DGKB: variants seen among roughly 807,000 people sequenced by gnomAD.
DGKB encodes the protein diacylglycerol kinase beta.
Under a neutral mutation model 114.3 loss-of-function variants are expected in DGKB, and 67 were observed. The ratio of observed to expected loss-of-function variants is 0.59; its 90% CI spans 0.48 to 0.72. The LOEUF (loss-of-function observed/expected upper bound fraction) is 0.72, where lower values mean the gene tolerates loss of function less well. Among genes scored for constraint, DGKB ranks in the 30% least tolerant of loss-of-function variants. The probability of loss-of-function intolerance (pLI) is 0.00; values close to 1 mark genes in which losing one functional copy is unlikely to be tolerated. For missense variants in DGKB, 907 were observed against 975.2 expected (o/e 0.93, Z 0.93); for synonymous variants, 398 against 323.1 (o/e 1.23, Z -2.49).
chr7:14,206,695 A>C (rs10950512), intron 23 of DGKB, among the ~76,000 whole-genome samples: 2 of 151,890 alleles, frequency 1.3e-5, no homozygotes, highest in Non-Finnish European at 2.9e-5. Context: ...ATACCCATAA[A>C]ATAGGAATAG....
At chr7:14,231,564 T>C (rs1357029940) in intron 23 of DGKB, among the ~76,000 whole-genome samples, 4 of 149,272 alleles carry the variant, frequency 2.7e-5, no homozygotes, top group Non-Finnish European at 6.0e-5. Context: ...AAATTATGCA[T>C]ATTTTATGTG....
At chr7:14,862,291 G>T (rs1175957699) in intron 1 of DGKB, among the ~76,000 whole-genome samples, 1 of 152,024 alleles carries the variant, frequency 6.6e-6, no homozygotes, top group African/African-American at 2.4e-5. Flanking sequence ...CTGTGTGTAT[G>T]TATGTGTATG....
chr7:14,659,149 T>C (rs62443687), intron 13 of DGKB, among the ~76,000 whole-genome samples: 1 of 151,884 alleles, frequency 6.6e-6, no homozygotes, highest in Non-Finnish European at 1.5e-5. Flanking sequence ...TTAACTCTAT[T>C]CTTAAAGGCT....
At chr7:14,782,117 C>G (rs1839196840) in intron 2 of DGKB, among the ~76,000 whole-genome samples, 1 of 149,534 alleles carries the variant, frequency 6.7e-6, no homozygotes, top group Non-Finnish European at 1.5e-5. Flanking sequence ...CTCTCCCTCT[C>G]AGGCTCAAGC....
intron 6 of DGKB, among the ~76,000 whole-genome samples, chr7:14,705,787 A>T (rs943637207): frequency 6.6e-6 from 1 of 151,996 alleles, no homozygotes; most frequent in African/African-American, 2.4e-5. Flanking sequence ...TCACCACCAG[A>T]CCTGCCCTAA....
At chr7:14,723,963 A>G (rs996458795) in intron 5 of DGKB, among the ~76,000 whole-genome samples, 2 of 152,116 alleles carry the variant, frequency 1.3e-5, no homozygotes, top group African/African-American at 2.4e-5. Context: ...TTATTAGCAG[A>G]TAAGTTTTGG....
chr7:14,399,859 A>C (rs926921224), intron 21 of DGKB, among the ~76,000 whole-genome samples: 7 of 151,970 alleles, frequency 4.6e-5, no homozygotes, highest in African/African-American at 1.7e-4. Flanking sequence ...ACAAAATGAA[A>C]GTTTTTTTTA....
chr7:14,601,109 CAG>C lies in DGKB; in HGVS notation c.1433+6323_1433+6324del, dbSNP rs1338542175. On this transcript the variant is annotated intron_variant, in intron 17 of 25. Transcript: ENST00000402815. Reference sequence around the variant, plus strand: ...TCACAGCTTTTGCACTCTGTGCCTGCAGAGTTAGCACCAGCTGGATGCTGCAA... The same window carrying C: ...TCACAGCTTTTGCACTCTGTGCCTGCAGTTAGCACCAGCTGGATGCTGCAA... Among the ~76,000 whole-genome samples the C allele has an allele frequency of 9.2e-5, 14 of 152,292 alleles. No individual in the cohort carries two copies. In the South Asian group the frequency reaches 2.7e-3, roughly 29 times the overall value.
chr7:14,747,435 A>G (rs1586184657), intron 4 of DGKB, among the ~76,000 whole-genome samples: 1 of 151,924 alleles, frequency 6.6e-6, no homozygotes, highest in East Asian at 1.9e-4. Context: ...TTTCCTGGTT[A>G]ACCCGTCCCT....
intron 22 of DGKB, among the ~76,000 whole-genome samples, chr7:14,344,864 G>A (rs1419842036): frequency 1.3e-5 from 2 of 151,708 alleles, no homozygotes; most frequent in East Asian, 1.9e-4. Flanking sequence ...AATGGGAATG[G>A]AATGGAAAAG....
chr7:14,750,327 GA>G (rs1205924960), intron 4 of DGKB: 10 of 400,548 alleles, frequency 2.5e-5, no homozygotes, highest in Admixed American at 6.3e-5. Context: ...TGCCGTTTGA[GA>G]AAAAAAAGAT....
chr7:14,471,032 T>A (rs1274782238), intron 21 of DGKB, among the ~76,000 whole-genome samples: 2 of 151,200 alleles, frequency 1.3e-5, no homozygotes, highest in Non-Finnish European at 3.0e-5. Flanking sequence ...ATGGAATTTT[T>A]ATCTCTAGAT....
At chr7:14,603,370 C>T (rs954048955) in intron 17 of DGKB, among the ~76,000 whole-genome samples, 4 of 151,950 alleles carry the variant, frequency 2.6e-5, no homozygotes, top group African/African-American at 9.7e-5. Context: ...TTTTGATGAA[C>T]ATTTCCTTAG....
At chr7:14,424,403 CTT>C (rs34985830) in intron 21 of DGKB, among the ~76,000 whole-genome samples, 1 of 149,530 alleles carries the variant, frequency 6.7e-6, no homozygotes, top group Non-Finnish European at 1.5e-5. Context: ...TTTTCTTCAT[CTT>C]TTTTTTTTAA....
intron 15 of DGKB, among the ~76,000 whole-genome samples, chr7:14,618,977 A>C (rs1408553295): frequency 6.6e-6 from 1 of 151,560 alleles, no homozygotes; most frequent in Non-Finnish European, 1.5e-5. Context: ...TTTAAAATTG[A>C]TAAATACAAC....
At chr7:14,957,448 G>A (rs911869861) in intron 1 of DGKB, among the ~76,000 whole-genome samples, 1 of 152,020 alleles carries the variant, frequency 6.6e-6, no homozygotes, top group African/African-American at 2.4e-5. Flanking sequence ...AGGTACAAAA[G>A]AGCATGATAA....
At chr7:14,782,226 T>C (rs371686527) in intron 2 of DGKB, among the ~76,000 whole-genome samples, 2 of 152,178 alleles carry the variant, frequency 1.3e-5, no homozygotes, top group South Asian at 4.2e-4. Flanking sequence ...GGGTTTTGCC[T>C]TGTTGTCCAG....
intron 20 of DGKB, among the ~76,000 whole-genome samples, chr7:14,490,719 C>A (rs748289839): frequency 6.6e-6 from 1 of 152,120 alleles, no homozygotes; most frequent in East Asian, 1.9e-4. Flanking sequence ...TTCCATAAAG[C>A]CAATTACGAT....
intron 25 of DGKB, chr7:14,175,974 T>G (rs902221327): frequency 2.0e-5 from 3 of 150,646 alleles, no homozygotes; most frequent in Non-Finnish European, 3.0e-5. Flanking sequence ...CCAGCTAAGT[T>G]TTTTTTTTAT....
Sources: gnomAD v4.1 joint callset for allele counts (sites outside exome capture counted in the v4.1 genomes callset) on GRCh38, gnomAD v4.1.1 for gene constraint, MANE v1.5 for transcripts, NCBI Gene and HGNC (gene_info 2026-07-23, HGNC 2026-07-21) for gene names.